Variants in TGIF1 observed in about 807,000 individuals in gnomAD.
TGIF1 encodes the protein TGFB induced factor homeobox 1, also known as homeobox protein TGIF1.
In TGIF1, 4 loss-of-function variants were observed where a neutral mutation model predicts 19.3. The observed-to-expected ratio is 0.21, with a 90% confidence interval of 0.10 to 0.47. TGIF1 has a LOEUF of 0.47. Among genes scored for constraint, TGIF1 ranks in the 20% least tolerant of loss-of-function variants. TGIF1 has a pLI of 0.98. For missense variants in TGIF1, 275 were observed against 341.4 expected (o/e 0.81, Z 1.53); for synonymous variants, 122 against 129.3 (o/e 0.94, Z 0.38).
At chr18:3,437,319 G>A (rs1021410831) in intron 2 of TGIF1, among the ~76,000 whole-genome samples, 3 of 152,054 alleles carry the variant, frequency 2.0e-5, no homozygotes, top group East Asian at 3.9e-4. Context: ...GAGTGTAAAC[G>A]TTCCATTCCT....
intron 1 of TGIF1, among the ~76,000 whole-genome samples, chr18:3,413,597 C>T (rs890908259): frequency 2.0e-5 from 3 of 151,636 alleles, no homozygotes; most frequent in African/African-American, 7.3e-5. Flanking sequence ...TTGGCCTGGA[C>T]GGTGGCCAAC....
intron 1 of TGIF1, among the ~76,000 whole-genome samples, chr18:3,417,131 TTTTA>T (rs2082342748): frequency 1.3e-5 from 2 of 151,876 alleles, no homozygotes; most frequent in Admixed American, 6.6e-5. Context: ...TCCAGCAAGG[TTTTA>T]TTTGTTTTTT....
chr18:3,417,372 C>A (rs1297901196), intron 1 of TGIF1, among the ~76,000 whole-genome samples: 1 of 151,848 alleles, frequency 6.6e-6, no homozygotes, highest in Non-Finnish European at 1.5e-5. Context: ...GTTGGGCAGG[C>A]TGATCTCAAA....
At chr18:3,428,685 C>CA (rs1356387173) in intron 2 of TGIF1, among the ~76,000 whole-genome samples, 2 of 151,778 alleles carry the variant, frequency 1.3e-5, no homozygotes, top group Non-Finnish European at 2.9e-5. Flanking sequence ...TGCAGTGAGC[C>CA]AAAATCGCAC....
At chr18:3,431,926 C>G (rs533421380) in intron 2 of TGIF1, among the ~76,000 whole-genome samples, 1 of 151,912 alleles carries the variant, frequency 6.6e-6, no homozygotes, top group Admixed American at 6.6e-5. Context: ...GTCAAGAGAT[C>G]GAGACTATCC....
At chr18:3,450,708 G>A (rs2082885234) in intron 1 of TGIF1, among the ~76,000 whole-genome samples, 1 of 152,232 alleles carries the variant, frequency 6.6e-6, no homozygotes, top group South Asian at 2.1e-4. Context: ...GGCTGTTGTG[G>A]GGCGAGCCTC....
At chr18:3,418,875 T>G (rs998697187) in intron 2 of TGIF1, 1 of 152,186 alleles carries the variant, frequency 6.6e-6, no homozygotes, top group Non-Finnish European at 1.5e-5. Context: ...CTGGCCAACA[T>G]GGTGAAAAAC....
At chr18:3,422,673 CTTTTTTTTTTT>C (rs869116407) in intron 2 of TGIF1, among the ~76,000 whole-genome samples, 2 of 24,672 alleles carry the variant, frequency 8.1e-5, no homozygotes, top group Admixed American at 5.5e-4. Context: ...TATAGGTGGC[CTTTTTTTTTTT>C]TTTTTTTTTT....
chr18:3,429,541 C>T (rs750404294), intron 2 of TGIF1, among the ~76,000 whole-genome samples: 5 of 152,086 alleles, frequency 3.3e-5, no homozygotes, highest in Non-Finnish European at 5.9e-5. Flanking sequence ...ATCTCTCATC[C>T]GCTACCATGG....
Position 3,456,331 on chromosome 18 carries a change from A to G in TGIF1, c.17-23A>G. 1.2e-6 allele frequency: 2 copies of G among 1,610,392 alleles called. No homozygotes were observed. The highest frequency in any genetic ancestry group is 2.2e-5 in the East Asian group (1 of 44,870). The stretch of plus-strand genomic sequence containing the variant: ...TTGCTGTGCTTATAAAGCAACTGAC[A>G]ACTGGCCCTTGTCCTTTCCTAGGTA... On this transcript the variant is annotated intron_variant, in intron 1 of 2. Coordinates refer to ENST00000343820, the MANE Select transcript of TGIF1 (RefSeq NM_003244.4). This position sits in a 1 kb window ranked among gnomAD's most constrained non-coding sequence, Gnocchi z 4.2.
At position 3,459,513 on chromosome 18, in the gene TGIF1, A is replaced by G. The variant is rs1344421513; in HGVS notation, c.*1573A>G. The G allele has an allele frequency of 1.3e-5, 2 of 152,226 alleles. No individual in the cohort carries two copies. The highest frequency in any genetic ancestry group is 2.9e-5 in the Non-Finnish European group (2 of 68,058). The allele number at this position is 152,226 out of a possible 1,614,324, so 9.4% of individuals were successfully genotyped here. A position where few individuals can be genotyped will look rare whatever the true frequency, so the allele number is the denominator to read the frequency against. On this transcript the variant is annotated 3_prime_UTR_variant, in exon 3 of 3. Coordinates refer to ENST00000343820, the MANE Select transcript of TGIF1 (RefSeq NM_003244.4). ...GTCACAGAAATAGACAAAAACCCAA[A>G]AAGTACTAGTAAAGTAAATACAAGG...
At chr18:3,413,104 A>C (rs1406218180) in intron 1 of TGIF1, 1 of 152,240 alleles carries the variant, frequency 6.6e-6, no homozygotes, top group Non-Finnish European at 1.5e-5. Flanking sequence ...CTGGGGATAA[A>C]ATATATGTAA....
intron 2 of TGIF1, among the ~76,000 whole-genome samples, chr18:3,442,739 A>C (rs927381687): frequency 1.3e-5 from 2 of 152,130 alleles, no homozygotes; most frequent in Admixed American, 1.3e-4. Flanking sequence ...TAAATAAATA[A>C]AAAATCTTTA....
chr18:3,445,476 G>A (rs2082728536), upstream of TGIF1, among the ~76,000 whole-genome samples: 1 of 151,886 alleles, frequency 6.6e-6, no homozygotes, highest in Non-Finnish European at 1.5e-5. Context: ...TGTAATCCCA[G>A]CACTTTGGGA....
chr18:3,451,750 C>G lies in TGIF1; in HGVS notation c.16+1245C>G. ...AGCGAGAGTGAAATTAAACTTGAAA[C>G]TCGGATCAACTGGCAGTCGTTGTTG... On this transcript the variant is annotated intron_variant, in intron 1 of 2. Coordinates refer to ENST00000343820, the MANE Select transcript of TGIF1 (RefSeq NM_003244.4). This position sits in a 1 kb window ranked among gnomAD's most constrained non-coding sequence, Gnocchi z 5.4. 8.0e-7 allele frequency: 1 copy of G among 1,247,230 alleles called. No homozygotes were observed. Among genetic ancestry groups the G allele is most frequent in the East Asian group, 3.1e-5 (1 of 32,070 alleles). 77.3% of individuals were successfully genotyped at this position (1,247,230 alleles called of 1,614,324 possible).
chr18:3,446,714 T>G (rs1346131080), upstream of TGIF1, among the ~76,000 whole-genome samples: 1 of 152,224 alleles, frequency 6.6e-6, no homozygotes, highest in African/African-American at 2.4e-5. Flanking sequence ...CCCAGGTTCT[T>G]AAGACAATGG....
At chr18:3,437,632 G>A (rs1230240208) in intron 2 of TGIF1, among the ~76,000 whole-genome samples, 1 of 152,176 alleles carries the variant, frequency 6.6e-6, no homozygotes, top group East Asian at 1.9e-4. Context: ...TTTGTTAATT[G>A]TATTTCAAAG....
chr18:3,448,715 GTCTTTTTTTTTT>G, upstream of TGIF1: 6 of 431,898 alleles, frequency 1.4e-5, no homozygotes, highest in Non-Finnish European at 1.7e-5. Flanking sequence ...GGGCGGGGGT[GTCTTTTTTTTTT>G]TTTTTTTTTT....
chr18:3,432,123 C>CAAAAA (rs751364681), intron 2 of TGIF1, among the ~76,000 whole-genome samples: 2 of 98,022 alleles, frequency 2.0e-5, no homozygotes, highest in African/African-American at 8.9e-5. Context: ...ACAAAACTGT[C>CAAAAA]AAAAAAAAAA....
Sources: allele counts gnomAD v4.1 joint callset (sites outside exome capture counted in the v4.1 genomes callset), GRCh38; gene constraint gnomAD v4.1.1; non-coding constraint Gnocchi (gnomAD v3.1); transcripts MANE v1.5; gene names NCBI Gene and HGNC (gene_info 2026-07-23, HGNC 2026-07-21).